The following GFPT1 variants were observed in gnomAD, a reference collection of about 807,000 sequenced individuals.
GFPT1 encodes the protein glutamine--fructose-6-phosphate aminotransferase [isomerizing] 1.
GFPT1 carries 40 observed loss-of-function variants against 92.0 expected under a neutral mutation model. That is an observed-to-expected ratio of 0.43 (90% CI 0.34 to 0.57). The LOEUF (loss-of-function observed/expected upper bound fraction) is 0.57, where lower values mean the gene tolerates loss of function less well. Among genes scored for constraint, GFPT1 ranks in the 20% least tolerant of loss-of-function variants. The pLI, the probability that GFPT1 is intolerant of heterozygous loss-of-function variation, is 0.02. For missense variants in GFPT1, 448 were observed against 869.1 expected (o/e 0.52, Z 6.09); for synonymous variants, 269 against 280.6 (o/e 0.96, Z 0.41).
intron 1 of GFPT1, among the ~76,000 whole-genome samples, chr2:69,379,761 G>A (rs1270431772): frequency 1.3e-5 from 2 of 151,626 alleles, no homozygotes; most frequent in Admixed American, 6.6e-5. Flanking sequence ...TGCTCTTGTC[G>A]CCAAGGCTGG....
chr2:69,345,718 T>C (rs1476973180), intron 12 of GFPT1, among the ~76,000 whole-genome samples, 186 bp downstream of exon 12: 1 of 152,194 alleles, frequency 6.6e-6, no homozygotes, highest in Admixed American at 6.6e-5. Context: ...AATCTGACTA[T>C]TCTAGATATC....
intron 2 of GFPT1, chr2:69,371,254 T>C: frequency 6.6e-6 from 1 of 150,708 alleles, no homozygotes; most frequent in East Asian, 2.1e-4. Flanking sequence ...TTTTTTTTTT[T>C]TTTAAGTAGA....
At chr2:69,336,343 A>C (rs1049795879) in intron 15 of GFPT1, among the ~76,000 whole-genome samples, 5 of 149,552 alleles carry the variant, frequency 3.3e-5, no homozygotes, top group Non-Finnish European at 7.4e-5. Flanking sequence ...TGTCTCCAAA[A>C]AAAAAAAAAA....
intron 3 of GFPT1, among the ~76,000 whole-genome samples, chr2:69,364,352 A>G (rs1290435555): frequency 6.6e-6 from 1 of 152,248 alleles, no homozygotes; most frequent in Non-Finnish European, 1.5e-5. Context: ...AGTTAGGTGA[A>G]GTATATATAG....
chr2:69,350,163 A>C lies in GFPT1; in HGVS notation c.760T>G (p.Cys254Gly), dbSNP rs1048926695. Residue 254 changes from cysteine to glycine, a missense_variant, in exon 10 of 20, where the codon TGC becomes GGC. Around this residue, in one of 7 missense-constraint regions of GFPT1, gnomAD observed 118 missense variants for 192.9 expected, o/e 0.61. Coordinates refer to ENST00000357308, the MANE Select transcript of GFPT1 (RefSeq NM_001244710.2). The part of the protein sequence containing the change: ...GERGKDKKGS[C>G]NLSRVDSTTC... Reference sequence around the variant, plus strand: ...GTGCTGTCCACACGAGAGAGATTGCAGCTTCCTTTCTTGTCTTTGCCTAAA... The same window carrying C: ...GTGCTGTCCACACGAGAGAGATTGCCGCTTCCTTTCTTGTCTTTGCCTAAA... 1 of 1,613,526 alleles carries C rather than the reference A, an allele frequency of 6.2e-7. No homozygotes were observed. The highest frequency in any genetic ancestry group is 1.1e-5 in the South Asian group (1 of 91,072).
At chr2:69,371,524 C>T (rs1203079906) in intron 2 of GFPT1, 2 of 151,672 alleles carry the variant, frequency 1.3e-5, no homozygotes, top group African/African-American at 4.8e-5. Context: ...TACTCTCACA[C>T]AAAAAAATTA....
intron 15 of GFPT1, chr2:69,334,715 A>C (rs745618885): frequency 1.3e-5 from 2 of 152,216 alleles, no homozygotes; most frequent in Non-Finnish European, 2.9e-5. Context: ...CTTCAGGCTA[A>C]ATGAAAGAAG....
intron 12 of GFPT1, among the ~76,000 whole-genome samples, chr2:69,344,056 T>C (rs1040669736): frequency 1.3e-5 from 2 of 152,072 alleles, no homozygotes; most frequent in African/African-American, 4.8e-5. Flanking sequence ...CCAAGCCTGT[T>C]TGTGTACCTC....
chr2:69,338,437 T>G lies in GFPT1; in HGVS notation c.1324+8A>C. 6.2e-7 allele frequency: 1 copy of G among 1,610,344 alleles called. No individual in the cohort carries two copies. The highest frequency in any genetic ancestry group is 8.5e-7 in the Non-Finnish European group (1 of 1,176,634). On this transcript the variant is annotated splice_region_variant and intron_variant, in intron 14 of 19. Transcript: ENST00000357308. ...TTCCTTCCTTTTAAGTCTTTAAAATTAACACACCTGATTGACTAAGGAAAA... is the reference window on the plus strand; with the variant it reads ...TTCCTTCCTTTTAAGTCTTTAAAATGAACACACCTGATTGACTAAGGAAAA...
chr2:69,354,162 G>A, intron 9 of GFPT1, 97 bp downstream of exon 9: 2 of 793,230 alleles, frequency 2.5e-6, no homozygotes, highest in Non-Finnish European at 3.9e-6. Context: ...ATTTTTAGAG[G>A]CCCAGCACAT....
At chr2:69,355,701 C>T (rs1242166193) in intron 7 of GFPT1, among the ~76,000 whole-genome samples, 1 of 152,140 alleles carries the variant, frequency 6.6e-6, no homozygotes. Flanking sequence ...AAGTGTAGCA[C>T]CTTCTCCTTA....
chr2:69,384,529 T>C (rs1672082043), intron 1 of GFPT1, among the ~76,000 whole-genome samples: 1 of 151,692 alleles, frequency 6.6e-6, no homozygotes, highest in South Asian at 2.1e-4. Flanking sequence ...CTGGTCAACA[T>C]GGTGAAACCC....
chr2:69,374,276 T>C (rs1025311700), intron 1 of GFPT1, among the ~76,000 whole-genome samples, 163 bp from the exon 2 acceptor site: 17 of 151,834 alleles, frequency 1.1e-4, no homozygotes, highest in Non-Finnish European at 2.5e-4. Flanking sequence ...TTCTCATAAG[T>C]ATAAAAAACT....
rs1433077758 is a variant in GFPT1, at chr2:69,329,241, A to G, written c.1725+56T>C. On this transcript the variant is annotated intron_variant, in intron 17 of 19. Coordinates refer to ENST00000357308, the MANE Select transcript of GFPT1 (RefSeq NM_001244710.2). ...ATTCATTTAATGTAAAAGTATGACT[A>G]TGTGTCAGGTCTGCAGGTCAATGGA... is the stretch of plus-strand genomic sequence containing the variant. 11 of 1,535,094 alleles carry G rather than the reference A, an allele frequency of 7.2e-6. No homozygotes were observed. In the East Asian group the frequency reaches 1.8e-4, roughly 25 times the overall value.
chr2:69,354,505 A>C lies in GFPT1; in HGVS notation c.669T>G (p.Pro223=). ...SEHKLSTDHI[P]ILYRTARTQI... ...TAATTTTACCTGTTCTGTAGAGTAT[A>C]GGAATGTGATCAGTAGAAAGTTTAT... is the stretch of plus-strand genomic sequence containing the variant. Residue 223 remains proline, a synonymous_variant, in exon 8 of 20, where the codon CCT becomes CCG. Coordinates refer to ENST00000357308, the MANE Select transcript of GFPT1 (RefSeq NM_001244710.2). The C allele has an allele frequency of 6.3e-7, 1 of 1,596,698 alleles. No homozygotes were observed. Among genetic ancestry groups the C allele is most frequent in the Non-Finnish European group, 8.6e-7 (1 of 1,164,196 alleles).
Position 69,328,400 on chromosome 2 carries a change from G to A in GFPT1, c.1764C>T (p.Ile588=). The A allele has an allele frequency of 6.2e-7, 1 of 1,613,274 alleles. No individual in the cohort carries two copies. Among genetic ancestry groups the A allele is most frequent in the Non-Finnish European group, 8.5e-7 (1 of 1,179,274 alleles). ...GGCCATGTTTCAATTCACCAGCAAG[G>A]ATGCCTTCAGAGTGCATATAAGTAA... is the stretch of plus-strand genomic sequence containing the variant. ...KEITYMHSEG[I]LAGELKHGPL... Residue 588 remains isoleucine (I), a synonymous_variant, in exon 18 of 20, where the codon ATC becomes ATT. Transcript: ENST00000357308.
intron 3 of GFPT1, among the ~76,000 whole-genome samples, chr2:69,364,908 T>G (rs1286716076): frequency 5.0e-5 from 7 of 140,502 alleles, no homozygotes; most frequent in African/African-American, 1.9e-4. Context: ...GGCAGGAGAA[T>G]CGCTTGAACC....
Position 69,326,144 on chromosome 2 carries a change from G to A in GFPT1, c.*45C>T. On this transcript the variant is annotated 3_prime_UTR_variant, in exon 20 of 20. Transcript: ENST00000357308. Reference sequence around the variant, plus strand: ...AGGTTTTAAATACAAAAGGTGTCTTGTGTTGCTTAATCATACAGTTTCGTA... The same window carrying A: ...AGGTTTTAAATACAAAAGGTGTCTTATGTTGCTTAATCATACAGTTTCGTA... 3.2e-6 allele frequency: 4 copies of A among 1,262,908 alleles called. No individual in the cohort carries two copies. Among genetic ancestry groups the A allele is most frequent in the Non-Finnish European group, 4.6e-6 (4 of 863,822 alleles). The allele number at this position is 1,262,908 out of a possible 1,614,324, so 78.2% of individuals were successfully genotyped here.
chr2:69,337,796 T>C, intron 15 of GFPT1, 102 bp downstream of exon 15: 3 of 945,468 alleles, frequency 3.2e-6, no homozygotes, highest in Non-Finnish European at 5.2e-6. Flanking sequence ...GTGTGAGTTC[T>C]ATAACTGCTA....
Sources: gnomAD v4.1 joint callset for allele counts (sites outside exome capture counted in the v4.1 genomes callset) on GRCh38, gnomAD v4.1.1 for gene constraint, gnomAD v4.1.1 regional missense constraint, MANE v1.5 for transcripts, NCBI Gene and HGNC (gene_info 2026-07-23, HGNC 2026-07-21) for gene names.